The following PCDH15 variants were observed in gnomAD, a reference collection of about 807,000 sequenced individuals.
PCDH15 encodes protocadherin related 15.
A neutral mutation model predicts 178.5 loss-of-function variants in PCDH15; 129 were observed. The ratio of observed to expected loss-of-function variants is 0.72; its 90% confidence interval spans 0.63 to 0.84. PCDH15 has a LOEUF of 0.84. PCDH15 is among the 40% of genes least tolerant of loss of function. PCDH15 has a pLI of 0.00. For synonymous variants in PCDH15, 800 were observed against 732.0 expected, an observed-to-expected ratio of 1.09 and a Z score of -1.50; for missense variants, 2,230 against 2,099.9, an observed-to-expected ratio of 1.06 and a Z score of -1.21.
At chr10:55,257,853 A>G (rs994269000) in intron 1 of PCDH15, among the ~76,000 whole-genome samples, 1 of 152,212 alleles carries the variant, frequency 6.6e-6, no homozygotes, top group East Asian at 1.9e-4. Flanking sequence ...CCAACATTCA[A>G]ATTCAGGAAA....
intron 3 of PCDH15, among the ~76,000 whole-genome samples, chr10:54,422,353 T>C (rs1955641148): frequency 6.6e-6 from 1 of 152,224 alleles, no homozygotes; most frequent in Non-Finnish European, 1.5e-5. Flanking sequence ...TTTTGTAGTA[T>C]AGTGAGGATA....
intron 6 of PCDH15, among the ~76,000 whole-genome samples, chr10:54,344,742 A>T (rs904198004): frequency 6.6e-6 from 1 of 151,860 alleles, no homozygotes; most frequent in Non-Finnish European, 1.5e-5. Context: ...TTTAAGAAAA[A>T]GCATTTCTGC....
At chr10:54,026,988 G>T (rs1350437616) in intron 18 of PCDH15, among the ~76,000 whole-genome samples, 1 of 147,938 alleles carries the variant, frequency 6.8e-6, no homozygotes, top group East Asian at 2.0e-4. Flanking sequence ...TAGGAAAAGA[G>T]GAAGTCAAAT....
intron 2 of PCDH15, among the ~76,000 whole-genome samples, chr10:55,066,309 T>C (rs1182121417): frequency 6.6e-6 from 1 of 151,178 alleles, no homozygotes; most frequent in African/African-American, 2.4e-5. Flanking sequence ...TTAATTAATT[T>C]ATATTTAAGT....
At chr10:55,549,718 C>T (rs970104149) in intron 2 of PCDH15, among the ~76,000 whole-genome samples, 2 of 152,170 alleles carry the variant, frequency 1.3e-5, no homozygotes, top group African/African-American at 4.8e-5. Flanking sequence ...AGGAAGAGAA[C>T]ATGTTTCCTG....
At chr10:55,348,570 A>G (rs2131963763) in intron 2 of PCDH15, among the ~76,000 whole-genome samples, 1 of 152,308 alleles carries the variant, frequency 6.6e-6, no homozygotes, top group African/African-American at 2.4e-5. Context: ...TATAGTAAGA[A>G]ATACATTAAA....
intron 2 of PCDH15, among the ~76,000 whole-genome samples, chr10:55,039,497 G>C (rs1054330427): frequency 1.3e-5 from 2 of 152,032 alleles, no homozygotes; most frequent in African/African-American, 4.8e-5. Flanking sequence ...TCCTTTTCCA[G>C]TAGTTATGCA....
intron 2 of PCDH15, among the ~76,000 whole-genome samples, chr10:55,368,647 C>G (rs953630041): frequency 6.6e-6 from 1 of 151,230 alleles, no homozygotes; most frequent in Non-Finnish European, 1.5e-5. Context: ...ATCTATAACA[C>G]TGGTAGTTCT....
At chr10:55,441,099 T>C (rs1000404165) in intron 2 of PCDH15, among the ~76,000 whole-genome samples, 2 of 152,300 alleles carry the variant, frequency 1.3e-5, no homozygotes, top group East Asian at 3.9e-4. Context: ...AACATTACTC[T>C]AAGAATGTAA....
intron 6 of PCDH15, among the ~76,000 whole-genome samples, chr10:54,337,530 A>G (rs1941420770): frequency 6.6e-6 from 1 of 152,170 alleles, no homozygotes; most frequent in Non-Finnish European, 1.5e-5. Flanking sequence ...AGTCTCAGGT[A>G]TGTCTTTATC....
At position 53,969,229 on chromosome 10, in the gene PCDH15, G is replaced by A. The variant is rs925623405; in HGVS notation, c.2869-7337C>T. Reference sequence around the variant, plus strand: ...GAGGCATGCACAAGCTTCAGTAGCCGATTTGATCAAGTGGAAGAAAGGGTA... The same window carrying A: ...GAGGCATGCACAAGCTTCAGTAGCCAATTTGATCAAGTGGAAGAAAGGGTA... On this transcript the variant is annotated intron_variant, in intron 21 of 37. Transcript: ENST00000644397. Among the ~76,000 whole-genome samples, 14 of 152,178 alleles carry A rather than the reference G, an allele frequency of 9.2e-5. No homozygotes were observed. The East Asian group carries it at 9.6e-4, about 10-fold the overall frequency.
chr10:55,399,380 A>C lies in PCDH15; in HGVS notation c.-156+228245T>G, dbSNP rs572522268. Among the ~76,000 whole-genome samples, 1,207 of 152,312 alleles carry C rather than the reference A, an allele frequency of 7.9e-3. 15 individuals carry two copies. The highest frequency in any genetic ancestry group is 0.026 in the African/African-American group (1,085 of 41,574). ...TATGCTATGAGAACTATAAAAGCTC[A>C]GAAGACCAAATCTTTAAATAAAAAA... is the stretch of plus-strand genomic sequence containing the variant. On this transcript the variant is annotated intron_variant, in intron 2 of 5. Transcript: ENST00000613346.
chr10:54,527,756 A>G, intron 3 of PCDH15, 56 bp downstream of exon 3: 1 of 1,441,328 alleles, frequency 6.9e-7, no homozygotes, highest in Non-Finnish European at 9.7e-7. Context: ...TTGAGAATTA[A>G]AATCTGAAGA....
At chr10:54,061,982 T>C (rs2094024708) in intron 18 of PCDH15, among the ~76,000 whole-genome samples, 1 of 151,946 alleles carries the variant, frequency 6.6e-6, no homozygotes, top group Non-Finnish European at 1.5e-5. Context: ...CCCAGCACTT[T>C]GGGAGGCCAA....
At chr10:54,069,775 A>T (rs2094204564) in intron 17 of PCDH15, among the ~76,000 whole-genome samples, 1 of 152,150 alleles carries the variant, frequency 6.6e-6, no homozygotes, top group Admixed American at 6.6e-5. Context: ...GCCATAGAGA[A>T]TGTTTATGTC....
intron 3 of PCDH15, among the ~76,000 whole-genome samples, chr10:54,422,612 T>C (rs1955682901): frequency 6.6e-6 from 1 of 152,150 alleles, no homozygotes; most frequent in South Asian, 2.1e-4. Context: ...TACCTCCTCC[T>C]CTCCAAGTTT....
In PCDH15 at chr10:53,965,994, CTGGATGATTTTTACAGA is replaced by C; in HGVS notation, c.2869-4119_2869-4103del. 1.8e-4 allele frequency among the ~76,000 whole-genome samples: 3 copies of C among 16,290 alleles called. No homozygotes were observed. In the Admixed American group the frequency reaches 3.6e-3, roughly 20 times the overall value. 10.7% of individuals were successfully genotyped at this position (16,290 alleles called of 152,430 possible). A position where few individuals can be genotyped will look rare whatever the true frequency, so the allele number is the denominator to read the frequency against. On this transcript the variant is annotated intron_variant, in intron 21 of 37. Transcript: ENST00000644397. Reference sequence around the variant, plus strand: ...GCTATCCAGAACATCTTAGAACTTCCTGGATGATTTTTACAGATAAGATTGTATGTATATAAATATGA... The same window carrying C: ...GCTATCCAGAACATCTTAGAACTTCCTAAGATTGTATGTATATAAATATGA...
intron 2 of PCDH15, among the ~76,000 whole-genome samples, chr10:54,625,783 T>A (rs923947620): frequency 6.6e-6 from 1 of 152,148 alleles, no homozygotes; most frequent in African/African-American, 2.4e-5. Context: ...GCTGAAAAGA[T>A]ACCTGAAAAT....
intron 2 of PCDH15, among the ~76,000 whole-genome samples, chr10:55,521,733 G>A (rs1565219831): frequency 6.6e-6 from 1 of 151,864 alleles, no homozygotes; most frequent in Non-Finnish European, 1.5e-5. Context: ...ATCTACAATG[G>A]TGATACATCA....
Sources: allele counts gnomAD v4.1 joint callset (sites outside exome capture counted in the v4.1 genomes callset), GRCh38; gene constraint gnomAD v4.1.1; transcripts MANE v1.5; gene names NCBI Gene and HGNC (gene_info 2026-07-23, HGNC 2026-07-21).